The following RUNX2 variants were observed in gnomAD, a reference collection of about 807,000 sequenced individuals.
RUNX2 encodes RUNX family transcription factor 2.
Under a neutral mutation model 51.7 loss-of-function variants are expected in RUNX2, and 10 were observed. That is an observed-to-expected ratio of 0.19 (90% CI 0.12 to 0.33). RUNX2 has a LOEUF of 0.33. RUNX2 is among the 10% of genes least tolerant of loss of function. The pLI is 1.00. For missense variants in RUNX2, 562 were observed against 691.3 expected, an observed-to-expected ratio of 0.81 and a Z score of 2.10; for synonymous variants, 276 against 273.6, an observed-to-expected ratio of 1.01 and a Z score of -0.09.
intron 2 of RUNX2, among the ~76,000 whole-genome samples, chr6:45,391,083 A>G (rs1797459098): frequency 6.6e-6 from 1 of 152,200 alleles, no homozygotes; most frequent in Admixed American, 6.5e-5. Flanking sequence ...GAAAAAATGG[A>G]CTTCTAAACA....
intron 2 of RUNX2, among the ~76,000 whole-genome samples, chr6:45,338,535 G>A (rs1240451852): frequency 6.6e-6 from 1 of 152,004 alleles, no homozygotes; most frequent in South Asian, 2.1e-4. Context: ...GCTGCCAGTA[G>A]GTAAAACAAC....
intron 2 of RUNX2, among the ~76,000 whole-genome samples, chr6:45,332,059 C>T (rs534413650): frequency 6.6e-6 from 1 of 152,060 alleles, no homozygotes; most frequent in Admixed American, 6.6e-5. Context: ...CAAATCAAAA[C>T]TCACTGTACT....
intron 7 of RUNX2, 152 bp downstream of exon 7, chr6:45,512,559 T>G: frequency 1.2e-6 from 1 of 843,680 alleles, no homozygotes; most frequent in Non-Finnish European, 1.9e-6. Context: ...TCTTCTGAAT[T>G]ATGGGGTTAT....
intron 2 of RUNX2, among the ~76,000 whole-genome samples, chr6:45,356,592 G>A (rs986445196): frequency 1.3e-5 from 2 of 151,796 alleles, no homozygotes; most frequent in African/African-American, 4.8e-5. Flanking sequence ...GTAGAGACAG[G>A]GTTTCACCAT....
intron 2 of RUNX2, among the ~76,000 whole-genome samples, chr6:45,415,707 C>T (rs978675724): frequency 6.6e-6 from 1 of 152,008 alleles, no homozygotes; most frequent in Admixed American, 6.6e-5. Context: ...CACAAGTTAA[C>T]CAGGAAGCAA....
intron 8 of RUNX2, among the ~76,000 whole-genome samples, chr6:45,546,521 G>A (rs1802404618): frequency 6.6e-6 from 1 of 152,192 alleles, no homozygotes; most frequent in Admixed American, 6.5e-5. Flanking sequence ...TGGTTTTAAA[G>A]TCTGGTGAGT....
intron 8 of RUNX2, among the ~76,000 whole-genome samples, chr6:45,546,536 C>T (rs915746526): frequency 2.0e-5 from 3 of 152,070 alleles, no homozygotes; most frequent in Non-Finnish European, 4.4e-5. Context: ...GTGAGTGAAC[C>T]TATGTGATCA....
chr6:45,332,921 T>C (rs1295703689), intron 2 of RUNX2, among the ~76,000 whole-genome samples: 2 of 151,664 alleles, frequency 1.3e-5, no homozygotes, highest in Non-Finnish European at 3.0e-5. Context: ...TTTTCTCCTA[T>C]ACCAATGAAC....
chr6:45,437,155 C>T (rs771491260), intron 4 of RUNX2, among the ~76,000 whole-genome samples: 6 of 152,186 alleles, frequency 3.9e-5, no homozygotes, highest in Non-Finnish European at 5.9e-5. Context: ...CCTTCTTATT[C>T]GTCGCTTTTA....
At chr6:45,471,206 T>C (rs1009278066) in intron 5 of RUNX2, among the ~76,000 whole-genome samples, 1 of 152,166 alleles carries the variant, frequency 6.6e-6, no homozygotes, top group African/African-American at 2.4e-5. Context: ...TTTCCACTCA[T>C]TGATGTCACC....
At chr6:45,366,330 CAA>C (rs1795131285) in intron 2 of RUNX2, among the ~76,000 whole-genome samples, 1 of 152,108 alleles carries the variant, frequency 6.6e-6, no homozygotes, top group Admixed American at 6.6e-5. Flanking sequence ...AGACTTTGGG[CAA>C]GTTACCTAAC....
At chr6:45,424,691 A>G (rs1318658440) in intron 3 of RUNX2, among the ~76,000 whole-genome samples, 1 of 152,168 alleles carries the variant, frequency 6.6e-6, no homozygotes, top group Non-Finnish European at 1.5e-5. Flanking sequence ...GATGGAAAGA[A>G]AGAGGAGTCC....
chr6:45,373,900 T>C (rs527329264), intron 2 of RUNX2, among the ~76,000 whole-genome samples: 51 of 152,346 alleles, frequency 3.3e-4, no homozygotes, highest in African/African-American at 9.6e-4. Context: ...TCAGTAATAG[T>C]GCCTATTATA....
intron 5 of RUNX2, among the ~76,000 whole-genome samples, chr6:45,443,524 G>A (rs554796465): frequency 3.9e-4 from 60 of 152,316 alleles, no homozygotes; most frequent in African/African-American, 1.3e-3. Flanking sequence ...TTACATAAGT[G>A]CTTAGCTGGC....
At chr6:45,329,000 AAAATT>A (rs1369516303) in intron 2 of RUNX2, among the ~76,000 whole-genome samples, 2 of 152,020 alleles carry the variant, frequency 1.3e-5, no homozygotes, top group East Asian at 1.9e-4. Flanking sequence ...TGAAATATAC[AAAATT>A]AAATTATCTC....
Position 45,549,436 on chromosome 6 carries a change from G to A in RUNX2, c.*2131G>A. ...GACTCCTTCTAATAAAAATGGATGG[G>A]AAAGCAAAACACTTTGCCTTCTAAA... On this transcript the variant is annotated 3_prime_UTR_variant, in exon 9 of 9. Transcript: ENST00000647337. 2 of 398,406 alleles carry A rather than the reference G, an allele frequency of 5.0e-6. No individual in the cohort carries two copies. Among genetic ancestry groups the A allele is most frequent in the Non-Finnish European group, 8.8e-6 (2 of 226,008 alleles). The allele number at this position is 398,406 out of a possible 1,614,324, so 24.7% of individuals were successfully genotyped here. A position where few individuals can be genotyped will look rare whatever the true frequency, so the allele number is the denominator to read the frequency against.
At chr6:45,380,484 A>C (rs1797213303) in intron 2 of RUNX2, among the ~76,000 whole-genome samples, 1 of 152,266 alleles carries the variant, frequency 6.6e-6, no homozygotes, top group African/African-American at 2.4e-5. Context: ...TGGGCATCTT[A>C]AAATGATTAG....
intron 7 of RUNX2, among the ~76,000 whole-genome samples, chr6:45,539,171 G>A (rs1435094612): frequency 6.6e-6 from 1 of 151,124 alleles, no homozygotes; most frequent in Non-Finnish European, 1.5e-5. Flanking sequence ...CAAAATTTGG[G>A]TGGGTTTAAG....
In RUNX2 at chr6:45,467,305, G is replaced by A. The variant is rs192333818; in HGVS notation, c.686-24636G>A. ...TTTATTTACTTTTATTTTTTGAGAC[G>A]AAGTCTCCCTCTGTCGCTCAGGCTG... On this transcript the variant is annotated intron_variant, in intron 5 of 8. Transcript: ENST00000647337. Among the ~76,000 whole-genome samples, 6 of 151,796 alleles carry A rather than the reference G, an allele frequency of 4.0e-5. No individual in the cohort carries two copies. In the East Asian group the frequency reaches 1.2e-3, roughly 29 times the overall value.
Sources: gnomAD v4.1 joint callset for allele counts (sites outside exome capture counted in the v4.1 genomes callset) on GRCh38, gnomAD v4.1.1 for gene constraint, MANE v1.5 for transcripts, NCBI Gene and HGNC (gene_info 2026-07-23, HGNC 2026-07-21) for gene names.